Variants in PRIM2 observed in about 807,000 individuals in gnomAD.
The protein encoded by PRIM2 is DNA primase large subunit.
In PRIM2, 39 loss-of-function variants were observed where a neutral mutation model predicts 67.3. That is an observed-to-expected ratio of 0.58 (90% confidence interval 0.45 to 0.76). The LOEUF (loss-of-function observed/expected upper bound fraction) is 0.76. PRIM2 is among the 30% of genes least tolerant of loss of function. The pLI, the probability that PRIM2 is intolerant of heterozygous loss-of-function variation, is 0.00. For missense variants in PRIM2, 398 were observed against 598.7 expected (o/e 0.66, Z 3.50); for synonymous variants, 143 against 198.7 (o/e 0.72, Z 2.36).
the PRIM2 span, among the ~76,000 whole-genome samples, chr6:57,302,920 T>G: frequency 1.4e-4 from 21 of 152,310 alleles, 1 homozygote; most frequent in East Asian, 4.0e-3. Context: ...AATCAAAAGA[T>G]TTCCTATTAA....
At chr6:57,331,681 T>C (rs1030349637) in intron 5 of PRIM2, among the ~76,000 whole-genome samples, 12 of 152,182 alleles carry the variant, frequency 7.9e-5, no homozygotes, top group African/African-American at 2.9e-4. Context: ...AATTGATTCA[T>C]GCAGTTATTC....
At chr6:57,407,417 T>G (rs1386125545) in intron 7 of PRIM2, among the ~76,000 whole-genome samples, 1 of 151,724 alleles carries the variant, frequency 6.6e-6, no homozygotes, top group South Asian at 2.1e-4. Flanking sequence ...AGTCACAGAT[T>G]TTTTTTTTCA....
chr6:57,335,824 A>T (rs1443727427), intron 5 of PRIM2, among the ~76,000 whole-genome samples: 1 of 152,258 alleles, frequency 6.6e-6, no homozygotes, highest in Non-Finnish European at 1.5e-5. Flanking sequence ...AAAGGAACGC[A>T]GTTCCTCACC....
intron 10 of PRIM2, among the ~76,000 whole-genome samples, chr6:57,599,271 GCA>G (rs1776420471): frequency 8.3e-4 from 86 of 103,022 alleles, no homozygotes; most frequent in Non-Finnish European, 9.2e-4. Flanking sequence ...TGAGAGATCT[GCA>G]CGAGCTCCAG....
At chr6:57,460,296 A>G (rs1449789398) in intron 7 of PRIM2, among the ~76,000 whole-genome samples, 2 of 152,176 alleles carry the variant, frequency 1.3e-5, no homozygotes, top group Non-Finnish European at 2.9e-5. Context: ...AGTTAGGAAC[A>G]TGTTTAACTT....
intron 13 of PRIM2, among the ~76,000 whole-genome samples, chr6:57,637,590 A>G (rs1777143720): frequency 6.6e-6 from 1 of 152,228 alleles, no homozygotes; most frequent in African/African-American, 2.4e-5. Flanking sequence ...TAACACAGCA[A>G]GAGAACTTCA....
intron 7 of PRIM2, among the ~76,000 whole-genome samples, chr6:57,477,126 G>A (rs1409497125): frequency 6.6e-6 from 1 of 152,060 alleles, no homozygotes; most frequent in African/African-American, 2.4e-5. Context: ...GAATAGCTGG[G>A]ACCCCAGGTG....
rs137883209 is a variant in PRIM2, at chr6:57,347,591, C to T, written c.459+21546C>T. On this transcript the variant is annotated intron_variant, in intron 5 of 13. Coordinates refer to ENST00000615550, the MANE Select transcript of PRIM2 (RefSeq NM_000947.5). ...CCTCCCAAGTAGCTGGGAATACAGGCGCATGCCACCCTGCCTGGCTAATTT... is the reference window on the plus strand; with the variant it reads ...CCTCCCAAGTAGCTGGGAATACAGGTGCATGCCACCCTGCCTGGCTAATTT... 5.9e-3 allele frequency among the ~76,000 whole-genome samples: 904 copies of T among 152,244 alleles called. 13 individuals carry two copies. The highest frequency in any genetic ancestry group is 0.02 in the African/African-American group (830 of 41,536).
At chr6:57,556,716 A>G (rs1278707920) in intron 10 of PRIM2, among the ~76,000 whole-genome samples, 1 of 152,234 alleles carries the variant, frequency 6.6e-6, no homozygotes, top group Non-Finnish European at 1.5e-5. Context: ...CATCCTGGAC[A>G]TTAGAAATGG....
chr6:57,427,569 C>CAATATAGGT (rs1771673224), intron 7 of PRIM2, among the ~76,000 whole-genome samples: 1 of 152,162 alleles, frequency 6.6e-6, no homozygotes, highest in South Asian at 2.1e-4. Context: ...CCACCTACCT[C>CAATATAGGT]GGCCTCCCAA....
At chr6:57,222,679 G>A in the PRIM2 span, among the ~76,000 whole-genome samples, 2 of 152,190 alleles carry the variant, frequency 1.3e-5, no homozygotes, top group Admixed American at 1.3e-4. Flanking sequence ...ATAGAAGCCT[G>A]AGATGGTTAA....
intron 11 of PRIM2, 150 bp downstream of exon 11, chr6:57,601,369 C>G (rs1279737335): frequency 5.2e-6 from 4 of 762,408 alleles, no homozygotes; most frequent in Non-Finnish European, 7.8e-6. Flanking sequence ...AGCTCCATTA[C>G]TCTTAGAACA....
the PRIM2 span, among the ~76,000 whole-genome samples, chr6:57,239,137 T>C: frequency 0.87 from 132,028 of 151,662 alleles, 58,517 homozygotes; most frequent in South Asian, 0.98. Flanking sequence ...ACTACAGGCG[T>C]GCACCACCAT....
At chr6:57,593,582 C>A (rs1465129340) in intron 10 of PRIM2, among the ~76,000 whole-genome samples, 1 of 152,222 alleles carries the variant, frequency 6.6e-6, no homozygotes, top group Non-Finnish European at 1.5e-5. Flanking sequence ...GCGTGAGCCA[C>A]CGTGCCCGGC....
At chr6:57,642,666 C>T (rs1426585348) in intron 13 of PRIM2, among the ~76,000 whole-genome samples, 2 of 151,936 alleles carry the variant, frequency 1.3e-5, no homozygotes, top group African/African-American at 4.8e-5. Flanking sequence ...TGGTCTCAAT[C>T]TCCTGACCTC....
intron 10 of PRIM2, among the ~76,000 whole-genome samples, chr6:57,585,621 A>G (rs1222971204): frequency 2.0e-5 from 3 of 152,194 alleles, no homozygotes; most frequent in Admixed American, 1.3e-4. Context: ...GCGGAATTTG[A>G]TTAGATACCG....
In PRIM2 at chr6:57,537,611, A is replaced by G. The variant is rs1448838918; in HGVS notation, c.1006A>G (p.Met336Val). The change falls in exon 10 of 14, where the codon ATG becomes GTG. Residue 336 changes from methionine (M) to valine (V), a missense_variant. Around this residue, in one of 4 missense-constraint regions of PRIM2, gnomAD observed 229 missense variants for 383.6 expected, o/e 0.60. Coordinates refer to ENST00000615550, the MANE Select transcript of PRIM2 (RefSeq NM_000947.5). ...FWKQEFIKGK[M>V]DPDKFDKGYS... is the part of the protein sequence containing the mutation. ...GAAGCAAGAATTTATCAAAGGAAAG[A>G]TGGATCCAGACAAGGTAATTTTGAA... is the stretch of plus-strand genomic sequence containing the variant. 2.6e-6 allele frequency: 4 copies of G among 1,548,606 alleles called. No homozygotes were observed. In the African/African-American group the frequency reaches 5.5e-5, roughly 21 times the overall value.
At chr6:57,394,010 C>T (rs1770442757) in intron 7 of PRIM2, among the ~76,000 whole-genome samples, 1 of 152,010 alleles carries the variant, frequency 6.6e-6, no homozygotes, top group Non-Finnish European at 1.5e-5. Context: ...TATTCTGTTC[C>T]ATTGGTCTGT....
At chr6:57,292,003 A>C in the PRIM2 span, among the ~76,000 whole-genome samples, 2 of 152,152 alleles carry the variant, frequency 1.3e-5, no homozygotes, top group Admixed American at 6.6e-5. Context: ...CCAGGGCAAT[A>C]GGCAAGAGAA....
Sources: gnomAD v4.1 joint callset for allele counts (sites outside exome capture counted in the v4.1 genomes callset) on GRCh38, gnomAD v4.1.1 for gene constraint, gnomAD v4.1.1 regional missense constraint, MANE v1.5 for transcripts, NCBI Gene and HGNC (gene_info 2026-07-23, HGNC 2026-07-21) for gene names.